The following ADGRB3 variants were observed in gnomAD, a reference collection of about 807,000 sequenced individuals.
The protein encoded by ADGRB3 is brain-specific angiogenesis inhibitor 3.
In ADGRB3, 37 loss-of-function variants were observed where a neutral mutation model predicts 193.4. That is an observed-to-expected ratio of 0.19 (90% CI 0.15 to 0.25). The LOEUF is 0.25. Ranked by LOEUF, ADGRB3 falls within the 10% of genes least tolerant of loss-of-function variation. The pLI is 1.00. For synonymous variants in ADGRB3, 690 were observed against 644.2 expected (o/e 1.07, Z -1.08); for missense variants, 1,637 against 1,852.9 (o/e 0.88, Z 2.14).
At chr6:69,211,400 G>A (rs1268303377) in intron 17 of ADGRB3, among the ~76,000 whole-genome samples, 1 of 152,064 alleles carries the variant, frequency 6.6e-6, no homozygotes, top group African/African-American at 2.4e-5. Context: ...TAAGATTTGG[G>A]CTTTTCTGCC....
intron 3 of ADGRB3, among the ~76,000 whole-genome samples, chr6:68,671,572 A>G (rs1176569063): frequency 1.3e-5 from 2 of 151,952 alleles, no homozygotes; most frequent in East Asian, 1.9e-4. Flanking sequence ...TGATTTGCAT[A>G]TGTTGAATCA....
At chr6:68,694,416 A>G (rs527994884) in intron 3 of ADGRB3, among the ~76,000 whole-genome samples, 2 of 152,028 alleles carry the variant, frequency 1.3e-5, no homozygotes, top group East Asian at 3.9e-4. Context: ...CACCCCCACC[A>G]CTATACTGAG....
At chr6:69,178,694 T>G (rs1223231520) in intron 17 of ADGRB3, among the ~76,000 whole-genome samples, 1 of 152,214 alleles carries the variant, frequency 6.6e-6, no homozygotes, top group African/African-American at 2.4e-5. Context: ...AATTTGTTTC[T>G]CCCTTACTTA....
chr6:68,936,763 G>C, intron 5 of ADGRB3, 83 bp downstream of exon 5: 1 of 1,430,154 alleles, frequency 7.0e-7, no homozygotes, highest in South Asian at 1.4e-5. Context: ...ATTTTCATAT[G>C]AAACGGGTAT....
At chr6:69,140,911 G>A (rs554288468) in intron 17 of ADGRB3, among the ~76,000 whole-genome samples, 7 of 151,978 alleles carry the variant, frequency 4.6e-5, no homozygotes, top group African/African-American at 1.7e-4. Flanking sequence ...ATAATAACCT[G>A]CTTGATTCCA....
chr6:68,993,866 C>A lies in ADGRB3; in HGVS notation c.1833C>A (p.Phe611Leu). The A allele has an allele frequency of 1.2e-6, 2 of 1,613,990 alleles. No individual in the cohort carries two copies. Among genetic ancestry groups the A allele is most frequent in the Non-Finnish European group, 8.5e-7 (1 of 1,179,894 alleles). Residue 611 changes from phenylalanine (F) to leucine (L), a missense_variant, in exon 11 of 32, where the codon TTC becomes TTA. Coordinates refer to ENST00000370598, the MANE Select transcript of ADGRB3 (RefSeq NM_001704.3). Reference protein sequence around the residue: ...TLLDLTQRKNFYAGDLLMSVE... With the variant: ...TLLDLTQRKNLYAGDLLMSVE... The stretch of plus-strand genomic sequence containing the variant: ...TGGATTTAACTCAGAGAAAAAATTT[C>A]TATGCAGGCGATCTTCTGATGTCTG...
At chr6:69,125,757 T>C (rs1773834110) in intron 17 of ADGRB3, among the ~76,000 whole-genome samples, 1 of 152,236 alleles carries the variant, frequency 6.6e-6, no homozygotes, top group African/African-American at 2.4e-5. Flanking sequence ...ATTTAATTTA[T>C]TTAATGAATT....
intron 28 of ADGRB3, among the ~76,000 whole-genome samples, 175 bp downstream of exon 28, chr6:69,356,035 G>GAAAAATCC: frequency 6.6e-6 from 1 of 152,238 alleles, no homozygotes; most frequent in East Asian, 1.9e-4. Context: ...GAACGAGGCA[G>GAAAAATCC]AAAAATCCAG....
At chr6:68,831,141 A>G (rs1376953268) in intron 3 of ADGRB3, among the ~76,000 whole-genome samples, 1 of 152,004 alleles carries the variant, frequency 6.6e-6, no homozygotes, top group African/African-American at 2.4e-5. Context: ...CGGTAGGGAA[A>G]GGAATACAAG....
intron 17 of ADGRB3, among the ~76,000 whole-genome samples, chr6:69,083,176 C>G (rs1772437687): frequency 6.6e-6 from 1 of 152,182 alleles, no homozygotes; most frequent in Non-Finnish European, 1.5e-5. Context: ...AGTAATACAT[C>G]TCACATCTCA....
At chr6:68,927,283 G>A (rs1350413112) in intron 3 of ADGRB3, among the ~76,000 whole-genome samples, 1 of 152,018 alleles carries the variant, frequency 6.6e-6, no homozygotes, top group Non-Finnish European at 1.5e-5. Context: ...TGTAACTAAT[G>A]TAATATATTA....
chr6:69,036,863 C>G (rs1025103466), intron 13 of ADGRB3, among the ~76,000 whole-genome samples: 1 of 152,068 alleles, frequency 6.6e-6, no homozygotes, highest in African/African-American at 2.4e-5. Context: ...GGATTTTTTT[C>G]TAGGAGCGCT....
chr6:68,798,151 A>G (rs1355645132), intron 3 of ADGRB3, among the ~76,000 whole-genome samples: 1 of 152,226 alleles, frequency 6.6e-6, no homozygotes, highest in Non-Finnish European at 1.5e-5. Flanking sequence ...ACTTAAGTAA[A>G]ATTTAAAATA....
intron 3 of ADGRB3, among the ~76,000 whole-genome samples, chr6:68,736,819 C>G (rs988150879): frequency 1.1e-4 from 17 of 151,658 alleles, no homozygotes; most frequent in Non-Finnish European, 2.2e-4. Flanking sequence ...AAAGTTTATC[C>G]CAGTACCTAG....
At chr6:68,987,361 C>T (rs1226107931) in intron 10 of ADGRB3, among the ~76,000 whole-genome samples, 1 of 152,010 alleles carries the variant, frequency 6.6e-6, no homozygotes, top group Non-Finnish European at 1.5e-5. Context: ...GAAACGGTTA[C>T]ACATTATATT....
At chr6:69,328,258 T>C (rs1252988203) in intron 22 of ADGRB3, among the ~76,000 whole-genome samples, 1 of 152,176 alleles carries the variant, frequency 6.6e-6, no homozygotes, top group Non-Finnish European at 1.5e-5. Context: ...TGATAATGTG[T>C]ATTGTTATTA....
chr6:69,351,015 T>C (rs2127325799), intron 26 of ADGRB3, among the ~76,000 whole-genome samples: 1 of 152,230 alleles, frequency 6.6e-6, no homozygotes, highest in African/African-American at 2.4e-5. Context: ...CTATGAAATC[T>C]AATCTAATCA....
At chr6:68,980,766 C>T (rs1184903065) in intron 10 of ADGRB3, among the ~76,000 whole-genome samples, 1 of 151,364 alleles carries the variant, frequency 6.6e-6, no homozygotes, top group Non-Finnish European at 1.5e-5. Context: ...GTGAGTGAGC[C>T]TGTGAGACAG....
intron 5 of ADGRB3, among the ~76,000 whole-genome samples, chr6:68,940,720 C>T (rs903160632): frequency 6.6e-6 from 1 of 151,576 alleles, no homozygotes; most frequent in Non-Finnish European, 1.5e-5. Context: ...GGTGAAACCC[C>T]GTCTCCAGTA....
Sources: gnomAD v4.1 joint callset for allele counts (sites outside exome capture counted in the v4.1 genomes callset) on GRCh38, gnomAD v4.1.1 for gene constraint, MANE v1.5 for transcripts, NCBI Gene and HGNC (gene_info 2026-07-23, HGNC 2026-07-21) for gene names.